CCT5: variants seen among roughly 807,000 people sequenced by gnomAD.
The protein encoded by CCT5 is T-complex protein 1 subunit epsilon.
In CCT5, 6 loss-of-function variants were observed where a neutral mutation model predicts 55.0. The ratio of observed to expected loss-of-function variants is 0.11; its 90% CI spans 0.06 to 0.22. The LOEUF (loss-of-function observed/expected upper bound fraction) is 0.22. Among genes scored for constraint, CCT5 ranks in the 10% least tolerant of loss-of-function variants. The pLI is 1.00. For synonymous variants in CCT5, 231 were observed against 243.7 expected (o/e 0.95, Z 0.49); for missense variants, 560 against 694.6 (o/e 0.81, Z 2.18).
intron 6 of CCT5, among the ~76,000 whole-genome samples, chr5:10,259,387 CTG>C (rs982514131): frequency 9.2e-5 from 14 of 152,176 alleles, no homozygotes; most frequent in African/African-American, 3.4e-4. Flanking sequence ...ATTTTCATGT[CTG>C]TTCTTGGGAA....
At chr5:10,256,659 C>T (rs1432934904) in intron 4 of CCT5, among the ~76,000 whole-genome samples, 2 of 144,652 alleles carry the variant, frequency 1.4e-5, no homozygotes, top group Non-Finnish European at 3.0e-5. Context: ...TGCACTCCAG[C>T]TTGAGCAACA....
At chr5:10,255,465 A>G (rs1281102356) in intron 3 of CCT5, among the ~76,000 whole-genome samples, 1 of 152,092 alleles carries the variant, frequency 6.6e-6, no homozygotes, top group Non-Finnish European at 1.5e-5. Context: ...TCATTCAACA[A>G]ATATTTATTG....
Position 10,255,162 on chromosome 5 carries a change from C to G in CCT5, c.331+324C>G, listed in dbSNP as rs74498471. 1,653 of 372,206 alleles carry G rather than the reference C, an allele frequency of 4.4e-3. 24 individuals are homozygous for G. The highest frequency in any genetic ancestry group is 0.032 in the African/African-American group (1,543 of 48,114). 23.1% of individuals were successfully genotyped at this position (372,206 alleles called of 1,614,324 possible). A position where few individuals can be genotyped will look rare whatever the true frequency, so the allele number is the denominator to read the frequency against. Reference sequence around the variant, plus strand: ...GATCATGTACTGCAATGCTGAGTTTCCTGAGTGATCTGTGACCATTATATT... The same window carrying G: ...GATCATGTACTGCAATGCTGAGTTTGCTGAGTGATCTGTGACCATTATATT... On this transcript the variant is annotated intron_variant, in intron 3 of 10. Coordinates refer to ENST00000280326, the MANE Select transcript of CCT5 (RefSeq NM_012073.5).
chr5:10,250,566 C>T (rs773774531), intron 1 of CCT5, 121 bp downstream of exon 1: 10 of 1,516,724 alleles, frequency 6.6e-6, no homozygotes, highest in Admixed American at 4.2e-5. Context: ...CGAGAATCTC[C>T]GTCTCCCTGC....
In CCT5 at chr5:10,266,198, A is replaced by G. The variant is rs1176404901; in HGVS notation, c.*1415A>G. ...AACATACAGCAGCCTTCTTTGGACC[A>G]CAGTCTTATCCGAGGGGTCTGTGGT... On this transcript the variant is annotated 3_prime_UTR_variant, in exon 11 of 11. Coordinates refer to ENST00000280326, the MANE Select transcript of CCT5 (RefSeq NM_012073.5). 1 of 152,196 alleles carries G rather than the reference A, an allele frequency of 6.6e-6. No homozygotes were observed. The highest frequency in any genetic ancestry group is 1.9e-4 in the East Asian group (1 of 5,188). 9.4% of individuals were successfully genotyped at this position (152,196 alleles called of 1,614,324 possible).
intron 1 of CCT5, among the ~76,000 whole-genome samples, chr5:10,252,504 C>CT: frequency 6.6e-6 from 1 of 151,590 alleles, no homozygotes; most frequent in South Asian, 2.1e-4. Context: ...AATCCCAGAA[C>CT]TTTGGGAGGC....
intron 7 of CCT5, 29 bp downstream of exon 7, chr5:10,260,940 A>G: frequency 6.2e-7 from 1 of 1,612,756 alleles, no homozygotes; most frequent in Non-Finnish European, 8.5e-7. Flanking sequence ...AGAGACTTTG[A>G]GAAGTAGGGG....
At chr5:10,258,659 G>T (rs1339699630) in intron 6 of CCT5, 124 bp downstream of exon 6, 1 of 843,270 alleles carries the variant, frequency 1.2e-6, no homozygotes, top group Non-Finnish European at 2.0e-6. Flanking sequence ...AAACCAAATT[G>T]CATAGAAAGG....
intron 8 of CCT5, 69 bp downstream of exon 8, chr5:10,261,814 T>TG (rs1166180506): frequency 2.0e-5 from 25 of 1,226,010 alleles, no homozygotes; most frequent in Non-Finnish European, 2.9e-5. Context: ...TTTGCCTGTG[T>TG]GTATTTAACA....
At chr5:10,252,145 G>A (rs1745455308) in intron 1 of CCT5, among the ~76,000 whole-genome samples, 1 of 152,232 alleles carries the variant, frequency 6.6e-6, no homozygotes, top group African/African-American at 2.4e-5. Flanking sequence ...CATTTGGACA[G>A]TAACCTGGGT....
In CCT5 at chr5:10,262,495, G is replaced by C. The variant is rs113262482; in HGVS notation, c.1194G>C (p.Ala398=). ...GTTTTCCTTAGATCATTGAGGAGGCGAAACGATCCCTTCACGATGCTTTGT... is the reference window on the plus strand; with the variant it reads ...GTTTTCCTTAGATCATTGAGGAGGCCAAACGATCCCTTCACGATGCTTTGT... The part of the protein sequence containing the change: ...RGGNKMIIEE[A]KRSLHDALCV... The change falls in exon 9 of 11, where the codon GCG becomes GCC. Residue 398 remains alanine, a synonymous_variant. Transcript: ENST00000280326. The C allele has an allele frequency of 1.2e-6, 2 of 1,613,980 alleles. No individual in the cohort carries two copies. Among genetic ancestry groups the C allele is most frequent in the South Asian group, 2.2e-5 (2 of 91,080 alleles).
At chr5:10,258,844 T>G (rs1428556333) in intron 6 of CCT5, among the ~76,000 whole-genome samples, 1 of 152,070 alleles carries the variant, frequency 6.6e-6, no homozygotes, top group African/African-American at 2.4e-5. Flanking sequence ...ACACAAAAAA[T>G]TAGCCAGGCA....
Position 10,265,165 on chromosome 5 carries a change from C to T in CCT5, c.*382C>T, listed in dbSNP as rs2578641. On this transcript the variant is annotated 3_prime_UTR_variant, in exon 11 of 11. Coordinates refer to ENST00000280326, the MANE Select transcript of CCT5 (RefSeq NM_012073.5). ...AACAGGAGCTCTCAAGATGCACTTT[C>T]ATATTGAGAGGAATATGGGCTTGAT... 0.24 allele frequency: 56,306 copies of T among 236,894 alleles called. 9,057 individuals carry two copies. The highest frequency in any genetic ancestry group is 0.82 in the East Asian group (6,908 of 8,470). The allele number at this position is 236,894 out of a possible 1,614,324, so 14.7% of individuals were successfully genotyped here.
intron 1 of CCT5, chr5:10,250,796 G>C (rs1171535546): frequency 8.6e-7 from 1 of 1,163,036 alleles, no homozygotes; most frequent in East Asian, 5.5e-5. Context: ...GGAGGGCGCC[G>C]GGGAGATGCT....
rs1745984570 is a variant in CCT5, at chr5:10,261,958, A to G, written c.1179+213A>G. ...GCCTTTCTGCTGTCCCTTAGAGTATACAATATACACTATGAGATTTTTATA... is the reference window on the plus strand; with the variant it reads ...GCCTTTCTGCTGTCCCTTAGAGTATGCAATATACACTATGAGATTTTTATA... On this transcript the variant is annotated intron_variant, in intron 8 of 10. Coordinates refer to ENST00000280326, the MANE Select transcript of CCT5 (RefSeq NM_012073.5). 1.2e-4 allele frequency: 70 copies of G among 574,422 alleles called. 1 individual carries two copies. The South Asian group carries it at 1.2e-3, about 10-fold the overall frequency. 35.6% of individuals were successfully genotyped at this position (574,422 alleles called of 1,614,324 possible).
At chr5:10,254,969 C>A in intron 3 of CCT5, 131 bp downstream of exon 3, 1 of 717,128 alleles carries the variant, frequency 1.4e-6, no homozygotes, top group Non-Finnish European at 2.4e-6. Context: ...TGAAAACATG[C>A]TACAAAACAA....
At chr5:10,261,980 T>A (rs1745986084) in intron 8 of CCT5, 3 of 506,554 alleles carry the variant, frequency 5.9e-6, no homozygotes, top group Non-Finnish European at 1.1e-5. Context: ...ATGAGATTTT[T>A]ATATCTTTTT....
At position 10,264,899 on chromosome 5, in the gene CCT5, T is replaced by C. The variant is rs1746146439; in HGVS notation, c.*116T>C. 1.5e-6 allele frequency: 2 copies of C among 1,343,734 alleles called. No individual in the cohort carries two copies. The highest frequency in any genetic ancestry group is 1.9e-5 in the Admixed American group (1 of 51,848). The allele number at this position is 1,343,734 out of a possible 1,614,324, so 83.2% of individuals were successfully genotyped here. ...CCTTTTCCAGACACTGTAGATGCTA[T>C]AATAAAAATAGCTGTTTGGTAACCA... On this transcript the variant is annotated 3_prime_UTR_variant, in exon 11 of 11. Coordinates refer to ENST00000280326, the MANE Select transcript of CCT5 (RefSeq NM_012073.5).
At chr5:10,250,536 C>G (rs1745328483) in intron 1 of CCT5, 91 bp downstream of exon 1, 1 of 1,561,392 alleles carries the variant, frequency 6.4e-7, no homozygotes, top group Admixed American at 1.9e-5. Flanking sequence ...GCGGCTCTGC[C>G]ATGTGCTCCC....
Sources: allele counts gnomAD v4.1 joint callset (sites outside exome capture counted in the v4.1 genomes callset), GRCh38; gene constraint gnomAD v4.1.1; transcripts MANE v1.5; gene names NCBI Gene and HGNC (gene_info 2026-07-23, HGNC 2026-07-21).